ZNF664: variants seen among roughly 807,000 people sequenced by gnomAD.
ZNF664 encodes the protein zinc finger Organ of Corti 1.
In ZNF664, 10 loss-of-function variants were observed where a neutral mutation model predicts 18.2. The ratio of observed to expected loss-of-function variants is 0.55; its 90% CI spans 0.34 to 0.93. The LOEUF is 0.93. Among genes scored for constraint, ZNF664 ranks in the 40% least tolerant of loss-of-function variants. ZNF664 has a pLI of 0.02. For missense variants in ZNF664, 193 were observed against 319.0 expected, an observed-to-expected ratio of 0.61 and a Z score of 3.01; for synonymous variants, 119 against 104.2, an observed-to-expected ratio of 1.14 and a Z score of -0.86.
intron 2 of ZNF664, among the ~76,000 whole-genome samples, chr12:123,978,382 A>G (rs1956721203): frequency 1.3e-5 from 2 of 152,250 alleles, no homozygotes; most frequent in African/African-American, 2.4e-5. Flanking sequence ...TAATAATCAA[A>G]TCACTAATTA....
intron 3 of ZNF664, among the ~76,000 whole-genome samples, chr12:124,000,620 CAG>C (rs901046004): frequency 4.3e-4 from 65 of 152,318 alleles, no homozygotes; most frequent in African/African-American, 1.4e-3. Flanking sequence ...CAGATAAAGA[CAG>C]CACATGACAA....
Position 124,013,053 on chromosome 12 carries a change from G to A in ZNF664, c.*123G>A. 1.6e-6 allele frequency: 2 copies of A among 1,275,428 alleles called. No individual in the cohort carries two copies. The highest frequency in any genetic ancestry group is 2.1e-6 in the Non-Finnish European group (2 of 938,846). The allele number at this position is 1,275,428 out of a possible 1,614,324, so 79.0% of individuals were successfully genotyped here. A position where few individuals can be genotyped will look rare whatever the true frequency, so the allele number is the denominator to read the frequency against. ...TCCCTAGCAGAACATTGTTTCTGAG[G>A]AGGCATATGTGAGATTGATTTGTTG... On this transcript the variant is annotated 3_prime_UTR_variant, in exon 5 of 5. Coordinates refer to ENST00000337815, the MANE Select transcript of ZNF664 (RefSeq NM_152437.3).
chr12:123,986,317 C>T (rs956737429), intron 2 of ZNF664, among the ~76,000 whole-genome samples: 4 of 152,200 alleles, frequency 2.6e-5, no homozygotes, highest in African/African-American at 9.7e-5. Flanking sequence ...CCATGAGGAA[C>T]TCAGGCTGTC....
intron 3 of ZNF664, among the ~76,000 whole-genome samples, chr12:123,996,354 G>A (rs764063924): frequency 4.6e-5 from 7 of 152,150 alleles, no homozygotes; most frequent in Non-Finnish European, 7.4e-5. Context: ...GCTGCTTGGG[G>A]TAAAAGGTTG....
intron 2 of ZNF664, 94 bp from the exon 3 acceptor site, chr12:123,987,949 C>G: frequency 8.1e-7 from 1 of 1,227,492 alleles, no homozygotes; most frequent in Non-Finnish European, 1.0e-6. Context: ...GAGCTGGGAC[C>G]CCACGTTTAT....
intron 3 of ZNF664, among the ~76,000 whole-genome samples, chr12:123,993,292 G>A (rs1268509838): frequency 1.3e-5 from 2 of 152,206 alleles, no homozygotes; most frequent in East Asian, 1.9e-4. Flanking sequence ...AGTGGGGAAT[G>A]TGAAGGGCCT....
At chr12:123,977,352 TAAC>T (rs1329877197) in intron 2 of ZNF664, among the ~76,000 whole-genome samples, 1 of 142,534 alleles carries the variant, frequency 7.0e-6, no homozygotes, top group Non-Finnish European at 1.5e-5. Flanking sequence ...ATGAAAACAA[TAAC>T]AAAAATTATT....
At chr12:124,009,968 T>C (rs1957115886) in intron 3 of ZNF664, among the ~76,000 whole-genome samples, 1 of 152,048 alleles carries the variant, frequency 6.6e-6, no homozygotes, top group Non-Finnish European at 1.5e-5. Flanking sequence ...CCTTTTTGTC[T>C]TGTGAGGAGG....
intron 3 of ZNF664, among the ~76,000 whole-genome samples, chr12:123,999,671 G>A (rs968525501): frequency 4.6e-5 from 7 of 152,300 alleles, no homozygotes; most frequent in South Asian, 2.1e-4. Flanking sequence ...AGAGAGGAGC[G>A]GTGTTGGGCT....
At chr12:123,979,713 C>G (rs1263328004) in intron 2 of ZNF664, among the ~76,000 whole-genome samples, 1 of 152,088 alleles carries the variant, frequency 6.6e-6, no homozygotes, top group Admixed American at 6.5e-5. Context: ...GGGTCTTGCT[C>G]TGTTGCCTAG....
chr12:123,985,543 G>T (rs1049258134), intron 2 of ZNF664, among the ~76,000 whole-genome samples: 4 of 152,204 alleles, frequency 2.6e-5, no homozygotes, highest in African/African-American at 9.7e-5. Context: ...ATGGCTAATA[G>T]AAGTTATTTG....
At chr12:123,979,700 A>G (rs1956738554) in intron 2 of ZNF664, among the ~76,000 whole-genome samples, 1 of 152,104 alleles carries the variant, frequency 6.6e-6, no homozygotes, top group Admixed American at 6.6e-5. Flanking sequence ...TTGTTTTGAG[A>G]CAGGGTCTTG....
intron 3 of ZNF664, among the ~76,000 whole-genome samples, chr12:123,994,727 C>A (rs1049414072): frequency 6.6e-6 from 1 of 152,188 alleles, no homozygotes; most frequent in Non-Finnish European, 1.5e-5. Flanking sequence ...TTGCAACGTA[C>A]AATCTGAAAC....
intron 3 of ZNF664, among the ~76,000 whole-genome samples, chr12:124,000,246 TCTC>T (rs1385696074): frequency 1.3e-5 from 2 of 152,014 alleles, no homozygotes; most frequent in Non-Finnish European, 2.9e-5. Context: ...CCACCTCTGT[TCTC>T]CTCAAACCTC....
chr12:124,000,578 A>C (rs1956999875), intron 3 of ZNF664, among the ~76,000 whole-genome samples: 1 of 152,240 alleles, frequency 6.6e-6, no homozygotes, highest in Non-Finnish European at 1.5e-5. Flanking sequence ...TTTCACAGCT[A>C]TGAGTTGAGC....
intron 3 of ZNF664, among the ~76,000 whole-genome samples, chr12:123,992,931 C>T (rs947334757): frequency 1.3e-5 from 2 of 152,106 alleles, no homozygotes; most frequent in Admixed American, 1.3e-4. Context: ...TTCTGACCAC[C>T]TCCAACCTCT....
chr12:123,988,765 G>T (rs1009489936), intron 3 of ZNF664, among the ~76,000 whole-genome samples: 1 of 134,132 alleles, frequency 7.5e-6, no homozygotes, highest in Admixed American at 7.3e-5. Flanking sequence ...CTTTTTTAAA[G>T]ATTTTTTTTT....
Position 124,012,148 on chromosome 12 carries a change from A to G in ZNF664, c.4A>G (p.Ile2Val). M[I>V]YKCPMCREFF... ...ATCACGATACCAAATAGGAAAAATGATCTACAAGTGCCCCATGTGTAGGGA... is the reference window on the plus strand; with the variant it reads ...ATCACGATACCAAATAGGAAAAATGGTCTACAAGTGCCCCATGTGTAGGGA... Residue 2 changes from isoleucine to valine, a missense_variant, in exon 5 of 5, where the codon ATC (isoleucine) becomes GTC (valine). Transcript: ENST00000337815. The G allele has an allele frequency of 6.2e-7, 1 of 1,602,552 alleles. No individual in the cohort carries two copies. The highest frequency in any genetic ancestry group is 1.3e-5 in the African/African-American group (1 of 74,122).
intron 3 of ZNF664, among the ~76,000 whole-genome samples, chr12:124,007,803 TACC>T (rs941317217): frequency 6.6e-5 from 10 of 152,200 alleles, no homozygotes; most frequent in African/African-American, 2.4e-4. Context: ...ACAATGATTT[TACC>T]ACATTTGCTT....
Sources: gnomAD v4.1 joint callset for allele counts (sites outside exome capture counted in the v4.1 genomes callset) on GRCh38, gnomAD v4.1.1 for gene constraint, MANE v1.5 for transcripts, NCBI Gene and HGNC (gene_info 2026-07-23, HGNC 2026-07-21) for gene names.